The following SCN1A variants were observed in gnomAD, a reference collection of about 807,000 sequenced individuals.
The protein encoded by SCN1A is sodium channel protein type 1 subunit alpha.
SCN1A carries 13 observed loss-of-function variants against 193.7 expected under a neutral mutation model. That is an observed-to-expected ratio of 0.07 (90% CI 0.04 to 0.11). The LOEUF (loss-of-function observed/expected upper bound fraction) is 0.11, where lower values mean the gene tolerates loss of function less well. Ranked by LOEUF, SCN1A falls within the 10% of genes least tolerant of loss-of-function variation. The pLI is 1.00. For synonymous variants in SCN1A, 781 were observed against 843.6 expected, an observed-to-expected ratio of 0.93 and a Z score of 1.29; for missense variants, 1,432 against 2,451.1, an observed-to-expected ratio of 0.58 and a Z score of 8.78.
intron 20 of SCN1A, 92 bp from the exon 21 acceptor site, chr2:166,013,990 G>A: frequency 4.2e-6 from 6 of 1,412,222 alleles, no homozygotes; most frequent in South Asian, 1.2e-5. Context: ...TTATTACTAT[G>A]CTCATCTCTG....
At chr2:166,141,181 A>G (rs1199429005) in intron 1 of SCN1A, among the ~76,000 whole-genome samples, 1 of 152,072 alleles carries the variant, frequency 6.6e-6, no homozygotes, top group Non-Finnish European at 1.5e-5. Flanking sequence ...AGATACACCA[A>G]GCAAACCCAA....
chr2:166,035,412 A>C (rs968432111), intron 19 of SCN1A, among the ~76,000 whole-genome samples: 2 of 152,172 alleles, frequency 1.3e-5, no homozygotes, highest in Non-Finnish European at 2.9e-5. Flanking sequence ...TTCCGAGTTA[A>C]ATCTTTTGTT....
intron 4 of SCN1A, among the ~76,000 whole-genome samples, chr2:166,069,761 C>A (rs182811632): frequency 6.6e-6 from 1 of 152,270 alleles, no homozygotes; most frequent in Admixed American, 6.5e-5. Flanking sequence ...GTACTAGAGT[C>A]CAACTTTAGG....
At chr2:166,081,868 G>T (rs1052720401) in intron 2 of SCN1A, among the ~76,000 whole-genome samples, 9 of 151,292 alleles carry the variant, frequency 5.9e-5, no homozygotes, top group Non-Finnish European at 1.0e-4. Flanking sequence ...TTATTTTTTT[G>T]CCTTATCTGA....
chr2:166,083,404 T>A (rs2106031347), intron 2 of SCN1A, among the ~76,000 whole-genome samples: 2 of 152,192 alleles, frequency 1.3e-5, no homozygotes, highest in South Asian at 4.1e-4. Flanking sequence ...TACATTTGTA[T>A]ACTCCAGGGG....
chr2:166,114,593 T>C (rs995673206), intron 2 of SCN1A, among the ~76,000 whole-genome samples: 1 of 152,244 alleles, frequency 6.6e-6, no homozygotes, highest in Non-Finnish European at 1.5e-5. Context: ...ATACAACAGA[T>C]GATCTTTTGG....
intron 9 of SCN1A, among the ~76,000 whole-genome samples, chr2:166,049,322 A>C (rs1698260380): frequency 6.6e-6 from 1 of 152,084 alleles, no homozygotes; most frequent in Non-Finnish European, 1.5e-5. Flanking sequence ...AAATTCATTC[A>C]GTAAAAATAG....
At chr2:166,126,873 A>G (rs1452677162) in intron 2 of SCN1A, 51 bp downstream of exon 2, 1 of 152,236 alleles carries the variant, frequency 6.6e-6, no homozygotes, top group African/African-American at 2.4e-5. Flanking sequence ...AAGAGAACAA[A>G]AAGAAATGAG....
rs1276806499 is a variant in SCN1A at position 166,073,499 on chromosome 2, T to G, written c.123A>C (p.Lys41Asn). 6.2e-7 allele frequency: 1 copy of G among 1,614,184 alleles called. No homozygotes were observed. The highest frequency in any genetic ancestry group is 2.2e-5 in the East Asian group (1 of 44,874). Residue 41 changes from lysine (K) to asparagine (N), a missense_variant, in exon 4 of 29, where the codon AAA becomes AAC. Physicochemically the swap from Lys to Asn is moderately conservative, Grantham distance 94 (BLOSUM62 0). Coordinates refer to ENST00000674923, the MANE Select transcript of SCN1A (RefSeq NM_001165963.4). ...TTGGGCCATTTTCGTCGTCATCTTTTTTGTCTGGTTTGGGATTCTTTGCCT... is the reference window on the plus strand; with the variant it reads ...TTGGGCCATTTTCGTCGTCATCTTTGTTGTCTGGTTTGGGATTCTTTGCCT... ...EEKAKNPKPDKKDDDENGPKP... is the reference protein window; with the variant it reads ...EEKAKNPKPDNKDDDENGPKP...
intron 2 of SCN1A, among the ~76,000 whole-genome samples, chr2:166,089,769 G>A (rs1302575653): frequency 6.6e-6 from 1 of 152,090 alleles, no homozygotes; most frequent in African/African-American, 2.4e-5. Context: ...GATTTTTCTT[G>A]AACAATTAAA....
chr2:166,046,739 A>C (rs1697868019), intron 12 of SCN1A, 31 bp downstream of exon 12: 1 of 1,604,270 alleles, frequency 6.2e-7, no homozygotes, highest in Non-Finnish European at 8.5e-7. Flanking sequence ...GAACGATAAA[A>C]GGTCAGTGCC....
chr2:166,065,975 A>C (rs960204346), intron 4 of SCN1A, among the ~76,000 whole-genome samples: 1 of 152,226 alleles, frequency 6.6e-6, no homozygotes, highest in African/African-American at 2.4e-5. Context: ...CATGCCTCAC[A>C]GTCAGTTTTT....
intron 19 of SCN1A, among the ~76,000 whole-genome samples, chr2:166,022,512 T>G (rs1479099251): frequency 6.6e-6 from 1 of 152,174 alleles, no homozygotes; most frequent in Non-Finnish European, 1.5e-5. Context: ...AAGAATCTCT[T>G]CTTTATGTCT....
At chr2:166,002,958 T>C (rs1691145709) in intron 23 of SCN1A, 1 of 385,132 alleles carries the variant, frequency 2.6e-6, no homozygotes, top group Non-Finnish European at 4.6e-6. Context: ...CTATAGGCAA[T>C]ATAACCAAGA....
At chr2:166,020,065 C>T (rs934446157) in intron 19 of SCN1A, among the ~76,000 whole-genome samples, 4 of 152,102 alleles carry the variant, frequency 2.6e-5, no homozygotes, top group African/African-American at 4.8e-5. Flanking sequence ...CGCCCGCCAC[C>T]ATGCCCGGCT....
chr2:166,106,128 A>G (rs111404638), intron 2 of SCN1A, among the ~76,000 whole-genome samples: 4 of 152,366 alleles, frequency 2.6e-5, no homozygotes, highest in African/African-American at 9.6e-5. Context: ...CGGAGCTTGC[A>G]GTGAGCCCAG....
At chr2:166,116,687 C>T (rs535646924) in intron 2 of SCN1A, among the ~76,000 whole-genome samples, 26 of 151,486 alleles carry the variant, frequency 1.7e-4, no homozygotes, top group Non-Finnish European at 4.4e-5. Context: ...TTTTTTGTCT[C>T]AAGACTCCTT....
chr2:166,139,789 C>T (rs1692008086), intron 1 of SCN1A, among the ~76,000 whole-genome samples: 1 of 152,100 alleles, frequency 6.6e-6, no homozygotes, highest in South Asian at 2.1e-4. Flanking sequence ...ATGGGGAAAA[C>T]TGCTCCCACG....
At position 166,037,839 on chromosome 2, in the gene SCN1A, C is replaced by T. The variant is rs767184698; in HGVS notation, c.2883G>A (p.Glu961=). The change falls in exon 18 of 29, where the codon GAG becomes GAA. Residue 961 remains glutamate (E), a synonymous_variant. Coordinates refer to ENST00000674923, the MANE Select transcript of SCN1A (RefSeq NM_001165963.4). Reference sequence around the variant, plus strand: ...TAAGGCACATGGCTTGACCAGCAACCTCCATACAGTCCCACATGGTCTCTA... The same window carrying T: ...TAAGGCACATGGCTTGACCAGCAACTTCCATACAGTCCCACATGGTCTCTA... ...EWIETMWDCM[E]VAGQAMCLTV... 6.2e-6 allele frequency: 10 copies of T among 1,614,154 alleles called. No homozygotes were observed. Among genetic ancestry groups the T allele is most frequent in the Non-Finnish European group, 8.5e-6 (10 of 1,180,034 alleles).
Sources: gnomAD v4.1 joint callset for allele counts (sites outside exome capture counted in the v4.1 genomes callset) on GRCh38, gnomAD v4.1.1 for gene constraint, MANE v1.5 for transcripts, NCBI Gene and HGNC (gene_info 2026-07-23, HGNC 2026-07-21) for gene names.